Variants in VWA5A observed in about 807,000 individuals in gnomAD.
VWA5A encodes the protein von Willebrand factor A domain-containing protein 5A.
VWA5A carries 77 observed loss-of-function variants against 84.6 expected under a neutral mutation model. The ratio of observed to expected loss-of-function variants is 0.91; its 90% CI spans 0.76 to 1.10. The LOEUF is 1.10. Among genes scored for constraint, VWA5A ranks in the 50% least tolerant of loss-of-function variants. The pLI is 0.00. For missense variants in VWA5A, 973 were observed against 963.0 expected (o/e 1.01, Z -0.14); for synonymous variants, 334 against 350.1 (o/e 0.95, Z 0.51).
At chr11:124,128,663 G>A (rs747688490) in intron 11 of VWA5A, among the ~76,000 whole-genome samples, 83 of 152,132 alleles carry the variant, frequency 5.5e-4, no homozygotes, top group Non-Finnish European at 7.1e-4. Context: ...TTCCTTGAAC[G>A]GTGGTTTTTA....
At position 124,117,775 on chromosome 11, in the gene VWA5A, C is replaced by G; in HGVS notation, c.146C>G (p.Ala49Gly). Reference sequence around the variant, plus strand: ...AATGAGGAGAAAGTTCCTTTGGAGGCCTTCTTTGTGTTCCCCATGGATGAA... The same window carrying G: ...AATGAGGAGAAAGTTCCTTTGGAGGGCTTCTTTGTGTTCCCCATGGATGAA... ...YENEEKVPLE[A>G]FFVFPMDEDS... Residue 49 changes from alanine to glycine, a missense_variant, in exon 4 of 19, where the codon GCC becomes GGC. By Grantham distance (60) the Ala-to-Gly change is moderately conservative. Transcript: ENST00000456829. 1 of 1,614,188 alleles carries G rather than the reference C, an allele frequency of 6.2e-7. No individual in the cohort carries two copies. Among genetic ancestry groups the G allele is most frequent in the South Asian group, 1.1e-5 (1 of 91,082 alleles).
chr11:124,139,510 C>A (rs1860685015), intron 15 of VWA5A, among the ~76,000 whole-genome samples: 1 of 152,076 alleles, frequency 6.6e-6, no homozygotes, highest in African/African-American at 2.4e-5. Flanking sequence ...GTTTTACCTC[C>A]TCAGTTAAAT....
chr11:124,142,859 GGTTAT>G (rs1466423511), intron 17 of VWA5A, among the ~76,000 whole-genome samples: 1 of 152,154 alleles, frequency 6.6e-6, no homozygotes, highest in Non-Finnish European at 1.5e-5. Context: ...CAATCATCTT[GGTTAT>G]GTAACTAATA....
rs150710072 is a variant in VWA5A at position 124,126,914 on chromosome 11, C to G, written c.1244+2598C>G. Among the ~76,000 whole-genome samples the G allele has an allele frequency of 4.1e-4, 63 of 152,296 alleles. 1 individual carries two copies. The highest frequency in any genetic ancestry group is 1.4e-3 in the African/African-American group (58 of 41,558). On this transcript the variant is annotated intron_variant, in intron 11 of 18. Transcript: ENST00000456829. ...CCCTTCATATATAAACACTTATGCA[C>G]TCATCTATGAACAAGAACATTCTGC...
At chr11:124,138,717 T>G (rs1254765822) in intron 15 of VWA5A, among the ~76,000 whole-genome samples, 1 of 152,210 alleles carries the variant, frequency 6.6e-6, no homozygotes, top group Non-Finnish European at 1.5e-5. Context: ...TTTGCAAATA[T>G]TTTCTCCCAT....
intron 17 of VWA5A, among the ~76,000 whole-genome samples, chr11:124,144,042 G>A (rs573001797): frequency 2.6e-5 from 4 of 152,120 alleles, no homozygotes; most frequent in African/African-American, 9.6e-5. Flanking sequence ...TTCTCTGGAG[G>A]TCCACAGTTT....
intron 7 of VWA5A, among the ~76,000 whole-genome samples, chr11:124,121,560 T>C (rs925743272): frequency 6.6e-6 from 1 of 152,184 alleles, no homozygotes; most frequent in East Asian, 1.9e-4. Context: ...CTTCTTCTTA[T>C]ATGACCCTGG....
chr11:124,115,975 T>C (rs1864821603), intron 1 of VWA5A: 1 of 152,188 alleles, frequency 6.6e-6, no homozygotes, highest in Non-Finnish European at 1.5e-5. Flanking sequence ...TAAATCAATC[T>C]CTGATTTTAT....
chr11:124,120,057 T>C (rs1565614749), intron 7 of VWA5A, among the ~76,000 whole-genome samples: 1 of 152,334 alleles, frequency 6.6e-6, no homozygotes, highest in East Asian at 1.9e-4. Flanking sequence ...TAACTGTTTT[T>C]AAGTGTACAG....
intron 11 of VWA5A, among the ~76,000 whole-genome samples, chr11:124,125,418 G>T (rs1212713926): frequency 1.3e-5 from 2 of 152,022 alleles, no homozygotes; most frequent in Non-Finnish European, 2.9e-5. Context: ...AAGTAGCTGG[G>T]ACTGCAGGTG....
At chr11:124,121,557 T>C (rs1187643711) in intron 7 of VWA5A, among the ~76,000 whole-genome samples, 1 of 152,208 alleles carries the variant, frequency 6.6e-6, no homozygotes, top group Non-Finnish European at 1.5e-5. Context: ...ATTCTTCTTC[T>C]TATATGACCC....
Position 124,135,051 on chromosome 11 carries a change from C to A in VWA5A, c.1359+17C>A. ...CAGTCCAAGGTGAGGGACAGACTGA[C>A]TGTGTCTGTCTGGAGGTGGCAATCC... On this transcript the variant is annotated intron_variant, in intron 12 of 18. Transcript: ENST00000456829. The A allele has an allele frequency of 6.2e-7, 1 of 1,602,892 alleles. No individual in the cohort carries two copies. The highest frequency in any genetic ancestry group is 8.5e-7 in the Non-Finnish European group (1 of 1,173,156).
intron 17 of VWA5A, 140 bp from the exon 18 acceptor site, chr11:124,145,097 G>GT (rs1860794764): frequency 9.7e-7 from 1 of 1,034,076 alleles, no homozygotes; most frequent in Non-Finnish European, 1.3e-6. Context: ...TGCCTTGCAA[G>GT]TAGTATCTGG....
rs1296187163 is a variant in VWA5A at position 124,141,711 on chromosome 11, T to G, written c.1993T>G (p.Leu665Val). The stretch of plus-strand genomic sequence containing the variant: ...GATGGACGATTACAGTCTCTGTGGG[T>G]TGATAAGTCACAAGGACCAGCACAG... ...FQMDDYSLCG[L>V]ISHKDQHSPG... Residue 665 changes from leucine (L) to valine (V), a missense_variant, in exon 16 of 19, where the codon TTG becomes GTG. Coordinates refer to ENST00000456829, the MANE Select transcript of VWA5A (RefSeq NM_001130142.2). 3 of 1,614,172 alleles carry G rather than the reference T, an allele frequency of 1.9e-6. No individual in the cohort carries two copies. The highest frequency in any genetic ancestry group is 2.5e-6 in the Non-Finnish European group (3 of 1,180,034).
Position 124,118,679 on chromosome 11 carries a change from T to A in VWA5A, c.616T>A (p.Tyr206Asn). 1 of 1,613,964 alleles carries A rather than the reference T, an allele frequency of 6.2e-7. No individual in the cohort carries two copies. The change falls in exon 6 of 19, where the codon TAC becomes AAC. Residue 206 changes from tyrosine to asparagine, a missense_variant. Tyr to Asn is a moderately radical substitution (Grantham distance 143). Transcript: ENST00000456829. Reference protein sequence around the residue: ...QSNCPLSPTEYLGEDKTSAQV... With the variant: ...QSNCPLSPTENLGEDKTSAQV... ...CAACTGCCCCTTGAGTCCTACCGAG[T>A]ACCTAGGAGAGGACAAGACTTCTGC...
intron 14 of VWA5A, 81 bp downstream of exon 14, chr11:124,136,755 TCCCTCCC>T (rs1565620846): frequency 5.7e-5 from 34 of 600,104 alleles, no homozygotes; most frequent in South Asian, 2.9e-4. Context: ...CTTCATTCCC[TCCCTCCC>T]TCCCTCCCTC....
intron 18 of VWA5A, 50 bp from the exon 19 acceptor site, chr11:124,145,816 G>A (rs763211016): frequency 2.0e-6 from 3 of 1,534,844 alleles, no homozygotes; most frequent in Admixed American, 3.9e-5. Flanking sequence ...GTTTGGAGGA[G>A]CCTCTAATTG....
At chr11:124,143,759 A>G (rs1201562178) in intron 17 of VWA5A, among the ~76,000 whole-genome samples, 1 of 152,216 alleles carries the variant, frequency 6.6e-6, no homozygotes, top group Non-Finnish European at 1.5e-5. Flanking sequence ...AATTAAGATG[A>G]TAATTCATAC....
At chr11:124,140,107 G>A (rs1480624658) in intron 15 of VWA5A, among the ~76,000 whole-genome samples, 1 of 151,978 alleles carries the variant, frequency 6.6e-6, no homozygotes. Flanking sequence ...TATGTTTATT[G>A]AACCAACTTT....
Sources: gnomAD v4.1 joint callset for allele counts (sites outside exome capture counted in the v4.1 genomes callset) on GRCh38, gnomAD v4.1.1 for gene constraint, MANE v1.5 for transcripts, NCBI Gene and HGNC (gene_info 2026-07-23, HGNC 2026-07-21) for gene names.